The following KCTD9 variants were observed in gnomAD, a reference collection of about 807,000 sequenced individuals.
KCTD9 encodes the protein potassium channel tetramerization domain containing 9.
Under a neutral mutation model 53.3 loss-of-function variants are expected in KCTD9, and 17 were observed. The observed-to-expected ratio is 0.32, with a 90% confidence interval of 0.22 to 0.48. The LOEUF is 0.48. Among genes scored for constraint, KCTD9 ranks in the 20% least tolerant of loss-of-function variants. The pLI, the probability that KCTD9 is intolerant of heterozygous loss-of-function variation, is 0.99. For synonymous variants in KCTD9, 128 were observed against 162.7 expected (o/e 0.79, Z 1.62); for missense variants, 179 against 465.5 (o/e 0.38, Z 5.66).
At chr8:25,442,772 G>A (rs1207757571) in intron 3 of KCTD9, among the ~76,000 whole-genome samples, 1 of 152,158 alleles carries the variant, frequency 6.6e-6, no homozygotes, top group Non-Finnish European at 1.5e-5. Context: ...TTAAGTAAGG[G>A]GAGAAGGGAT....
rs397783292 is a variant in KCTD9, at chr8:25,444,259, T to TG, written c.214+32dup. ...TCATTCCATCTTTTTTTTTTTTTTT[T>TG]GGCAGATAAAATTGGCTTTTAAAGT... On this transcript the variant is annotated intron_variant, in intron 3 of 11. Transcript: ENST00000221200. 4 of 1,494,596 alleles carry TG rather than the reference T, an allele frequency of 2.7e-6. No individual in the cohort carries two copies. In the East Asian group the frequency reaches 9.2e-5, roughly 35 times the overall value. The allele number at this position is 1,494,596 out of a possible 1,614,324, so 92.6% of individuals were successfully genotyped here. A position where few individuals can be genotyped will look rare whatever the true frequency, so the allele number is the denominator to read the frequency against.
At chr8:25,436,836 C>T (rs2048085) in intron 6 of KCTD9, among the ~76,000 whole-genome samples, 61,020 of 151,680 alleles carry the variant, frequency 0.4, 12,596 homozygotes, top group African/African-American at 0.51. Flanking sequence ...GGTATATTTA[C>T]TTATTCTAAT....
At chr8:25,452,985 A>G (rs1305631503) in intron 1 of KCTD9, among the ~76,000 whole-genome samples, 4 of 152,122 alleles carry the variant, frequency 2.6e-5, no homozygotes, top group African/African-American at 9.7e-5. Context: ...TGGGCAATAT[A>G]GGAAGACATT....
chr8:25,441,686 A>T (rs1802125342), intron 3 of KCTD9, among the ~76,000 whole-genome samples: 1 of 152,194 alleles, frequency 6.6e-6, no homozygotes, highest in Admixed American at 6.5e-5. Flanking sequence ...AAGGTAAAAA[A>T]GAGAATAGCT....
At chr8:25,448,052 T>C (rs534773196) in intron 1 of KCTD9, among the ~76,000 whole-genome samples, 45 of 151,428 alleles carry the variant, frequency 3.0e-4, no homozygotes, top group Non-Finnish European at 5.7e-4. Flanking sequence ...CACTTGAGCC[T>C]GCCAATTCAA....
At chr8:25,457,287 C>T in intron 1 of KCTD9, 1 of 849,182 alleles carries the variant, frequency 1.2e-6, no homozygotes, top group Non-Finnish European at 1.4e-6. Flanking sequence ...ACAGCGAGAC[C>T]CATTTACCTT....
chr8:25,433,174 G>C (rs1206724505), intron 10 of KCTD9, among the ~76,000 whole-genome samples, 156 bp downstream of exon 10: 1 of 152,088 alleles, frequency 6.6e-6, no homozygotes, highest in Non-Finnish European at 1.5e-5. Context: ...ACCAAATGGA[G>C]GTTTCTTACC....
At chr8:25,454,044 T>C (rs1210559374) in intron 1 of KCTD9, among the ~76,000 whole-genome samples, 2 of 152,014 alleles carry the variant, frequency 1.3e-5, no homozygotes, top group Non-Finnish European at 2.9e-5. Context: ...TATTTCTTTT[T>C]CATTCTTTGT....
rs547736865 is a variant in KCTD9 at position 25,449,779 on chromosome 8, C to T, written c.49-3529G>A. ...CATATTGAATAGCACAAATTTCCAT[C>T]ATCTCAGTAGTTCTATTAGACAGTG... On this transcript the variant is annotated intron_variant, in intron 1 of 11. Transcript: ENST00000221200. 1.1e-4 allele frequency among the ~76,000 whole-genome samples: 16 copies of T among 151,602 alleles called. No homozygotes were observed. The East Asian group carries it at 1.7e-3, about 17-fold the overall frequency.
intron 9 of KCTD9, among the ~76,000 whole-genome samples, chr8:25,433,985 G>A (rs1252996348): frequency 6.6e-6 from 1 of 152,196 alleles, no homozygotes; most frequent in African/African-American, 2.4e-5. Context: ...ATGCTGGCTG[G>A]GTCTTTCTGC....
chr8:25,429,993 T>A lies in KCTD9; in HGVS notation c.1054-20A>T. 8.1e-7 allele frequency: 1 copy of A among 1,241,842 alleles called. No homozygotes were observed. The highest frequency in any genetic ancestry group is 2.3e-5 in the East Asian group (1 of 43,056). The allele number at this position is 1,241,842 out of a possible 1,614,324, so 76.9% of individuals were successfully genotyped here. ...ACAATTCTGCAAGATGAAAACAATA[T>A]TCATGTAATTCATGTGGAAATTTCA... On this transcript the variant is annotated intron_variant, in intron 11 of 11. Coordinates refer to ENST00000221200, the MANE Select transcript of KCTD9 (RefSeq NM_017634.4).
intron 9 of KCTD9, 58 bp from the exon 10 acceptor site, chr8:25,433,493 T>A (rs558447911): frequency 3.4e-6 from 3 of 886,056 alleles, no homozygotes; most frequent in African/African-American, 1.7e-5. Flanking sequence ...TCAAATTAGC[T>A]CAAACAGTAA....
intron 1 of KCTD9, among the ~76,000 whole-genome samples, chr8:25,446,538 C>T (rs1024954440): frequency 1.6e-4 from 25 of 152,166 alleles, no homozygotes; most frequent in African/African-American, 4.8e-5. Context: ...ACCTACACTT[C>T]GATCTAGAGT....
Position 25,429,866 on chromosome 8 carries a change from A to G in KCTD9, c.1161T>C (p.Ser387=), listed in dbSNP as rs139348204. ...CCAGCCCCTAAAATTCTCATCTGACACTTTGTGACATGTGTAGTGGTGTCA... is the reference window on the plus strand; with the variant it reads ...CCAGCCCCTAAAATTCTCATCTGACGCTTTGTGACATGTGTAGTGGTGTCA... ...EMLTPLHMSQ[S]VR is the part of the protein sequence containing the mutation. Residue 387 remains serine (S), a synonymous_variant, in exon 12 of 12, where the codon AGT becomes AGC. Transcript: ENST00000221200. The G allele has an allele frequency of 1.6e-4, 251 of 1,523,274 alleles. 1 individual carries two copies. Among genetic ancestry groups the G allele is most frequent in the Admixed American group, 3.2e-4 (19 of 59,712 alleles). 94.4% of individuals were successfully genotyped at this position (1,523,274 alleles called of 1,614,324 possible). A position where few individuals can be genotyped will look rare whatever the true frequency, so the allele number is the denominator to read the frequency against.
chr8:25,433,291 CT>C (rs1801961942), intron 10 of KCTD9, 38 bp downstream of exon 10: 1 of 1,172,166 alleles, frequency 8.5e-7, no homozygotes, highest in Non-Finnish European at 1.3e-6. Context: ...TTACAGTCTG[CT>C]TCCTTCGTAG....
chr8:25,434,411 C>T (rs1315301782), intron 9 of KCTD9, among the ~76,000 whole-genome samples: 2 of 151,382 alleles, frequency 1.3e-5, no homozygotes, highest in Admixed American at 1.3e-4. Flanking sequence ...AAATTATGTT[C>T]ATTTATCTCA....
rs1304479828 is a variant in KCTD9, at chr8:25,428,168, A to T, written c.*1689T>A. On this transcript the variant is annotated 3_prime_UTR_variant, in exon 12 of 12. Coordinates refer to ENST00000221200, the MANE Select transcript of KCTD9 (RefSeq NM_017634.4). ...CAGAGGTACCTTTAAGTGAATGAAT[A>T]CCACATTCTGTAATTCCTGAAAATA... is the stretch of plus-strand genomic sequence containing the variant. 6.6e-6 allele frequency: 1 copy of T among 152,646 alleles called. No homozygotes were observed. The highest frequency in any genetic ancestry group is 2.4e-5 in the African/African-American group (1 of 41,462). The allele number at this position is 152,646 out of a possible 1,614,324, so 9.5% of individuals were successfully genotyped here. A position where few individuals can be genotyped will look rare whatever the true frequency, so the allele number is the denominator to read the frequency against.
intron 11 of KCTD9, among the ~76,000 whole-genome samples, chr8:25,430,397 C>T (rs1356066288): frequency 6.6e-6 from 1 of 152,126 alleles, no homozygotes; most frequent in Non-Finnish European, 1.5e-5. Flanking sequence ...ACAGCCTGAG[C>T]TCCACCTCCT....
At chr8:25,450,551 C>G in intron 1 of KCTD9, 2 of 703,956 alleles carry the variant, frequency 2.8e-6, no homozygotes, top group Non-Finnish European at 3.5e-6. Flanking sequence ...GTGGCTCAAG[C>G]CTGTAATGCC....
Sources: allele counts gnomAD v4.1 joint callset (sites outside exome capture counted in the v4.1 genomes callset), GRCh38; gene constraint gnomAD v4.1.1; transcripts MANE v1.5; gene names NCBI Gene and HGNC (gene_info 2026-07-23, HGNC 2026-07-21).